The following DMXL1 variants were observed in gnomAD, a reference collection of about 807,000 sequenced individuals.
DMXL1 encodes dmX-like protein 1.
Under a neutral mutation model 319.2 loss-of-function variants are expected in DMXL1, and 99 were observed. That is an observed-to-expected ratio of 0.31 (90% CI 0.26 to 0.37). The LOEUF is 0.37. Ranked by LOEUF, DMXL1 falls within the 10% of genes least tolerant of loss-of-function variation. DMXL1 has a pLI of 1.00. For synonymous variants in DMXL1, 1,385 were observed against 1,235.2 expected (o/e 1.12, Z -2.54); for missense variants, 3,745 against 3,595.6 (o/e 1.04, Z -1.06).
intron 4 of DMXL1, among the ~76,000 whole-genome samples, chr5:119,109,492 A>G (rs1759098759): frequency 6.6e-6 from 1 of 152,224 alleles, no homozygotes. Context: ...AAACGCTGTG[A>G]ACTTGAAAAA....
intron 42 of DMXL1, among the ~76,000 whole-genome samples, chr5:119,241,115 T>A (rs925138926): frequency 6.6e-6 from 1 of 152,190 alleles, no homozygotes; most frequent in African/African-American, 2.4e-5. Flanking sequence ...TTAACACATA[T>A]TTTGTATATG....
At position 119,220,991 on chromosome 5, in the gene DMXL1, A is replaced by G. The variant is rs2150580816; in HGVS notation, c.8187A>G (p.Gln2729=). Residue 2729 remains glutamine, a synonymous_variant, in exon 37 of 44, where the codon CAA becomes CAG. Coordinates refer to ENST00000539542, the MANE Select transcript of DMXL1 (RefSeq NM_001290321.3). The stretch of plus-strand genomic sequence containing the variant: ...CTCGTGATGATTTAACAGCTGTTCA[A>G]GGTACAACTCCATATACACATAGCA... The part of the protein sequence containing the change: ...IHARDDLTAV[Q]GTTPYTHSNP... 6.2e-7 allele frequency: 1 copy of G among 1,613,890 alleles called. No homozygotes were observed. Among genetic ancestry groups the G allele is most frequent in the East Asian group, 2.2e-5 (1 of 44,844 alleles).
At position 119,110,161 on chromosome 5, in the gene DMXL1, T is replaced by C; in HGVS notation, c.375T>C (p.Leu125=). Residue 125 remains leucine (L), a synonymous_variant, in exon 5 of 44, where the codon CTT becomes CTC. Coordinates refer to ENST00000539542, the MANE Select transcript of DMXL1 (RefSeq NM_001290321.3). ...NITWDPTGSR[L]LTGSSYLQLW... ...TAATATTTTTTTTAGGCAGTCGTCT[T>C]TTAACTGGTTCCAGCTATTTGCAAC... The C allele has an allele frequency of 1.9e-6, 3 of 1,596,088 alleles. No individual in the cohort carries two copies. Among genetic ancestry groups the C allele is most frequent in the Non-Finnish European group, 2.6e-6 (3 of 1,174,420 alleles).
intron 29 of DMXL1, among the ~76,000 whole-genome samples, chr5:119,193,311 ACCAAACTCTTTC>A (rs1364340119): frequency 1.3e-5 from 2 of 152,034 alleles, no homozygotes; most frequent in South Asian, 2.1e-4. Flanking sequence ...CTATTTTCAA[ACCAAACTCTTTC>A]CCAAACTCTT....
intron 5 of DMXL1, among the ~76,000 whole-genome samples, chr5:119,111,629 G>T (rs745660600): frequency 1.3e-5 from 2 of 152,098 alleles, no homozygotes; most frequent in African/African-American, 4.8e-5. Flanking sequence ...AGTTCTAACC[G>T]TATCAATAAA....
intron 1 of DMXL1, among the ~76,000 whole-genome samples, chr5:119,078,254 A>G (rs891443135): frequency 5.9e-5 from 9 of 152,168 alleles, no homozygotes; most frequent in African/African-American, 2.2e-4. Context: ...AGCTGGGACT[A>G]CAAGCCTGTG....
At chr5:119,209,534 G>C (rs569685083) in intron 34 of DMXL1, among the ~76,000 whole-genome samples, 4 of 151,970 alleles carry the variant, frequency 2.6e-5, no homozygotes, top group Non-Finnish European at 4.4e-5. Flanking sequence ...TTTTTGTAGA[G>C]ATGGGGTTTC....
chr5:119,097,951 T>C, intron 1 of DMXL1, 28 bp from the exon 2 acceptor site: 2 of 1,557,682 alleles, frequency 1.3e-6, no homozygotes, highest in Non-Finnish European at 1.7e-6. Flanking sequence ...TTGACACTTT[T>C]ATCATTTTTA....
At chr5:119,203,785 G>T (rs1272629077) in intron 33 of DMXL1, among the ~76,000 whole-genome samples, 4 of 152,008 alleles carry the variant, frequency 2.6e-5, no homozygotes, top group African/African-American at 9.7e-5. Flanking sequence ...TAACTTAGAA[G>T]TTTAATTGTA....
rs762106839 is a variant in DMXL1 at position 119,196,442 on chromosome 5, G to T, written c.7529G>T (p.Gly2510Val). 1 of 1,612,188 alleles carries T rather than the reference G, an allele frequency of 6.2e-7. No homozygotes were observed. The highest frequency in any genetic ancestry group is 8.5e-7 in the Non-Finnish European group (1 of 1,179,064). The change falls in exon 31 of 44, where the codon GGT (glycine) becomes GTT (valine). Residue 2510 changes from glycine (G) to valine (V), a missense_variant. Physicochemically the swap from Gly to Val is moderately radical, Grantham distance 109 (BLOSUM62 -3). This residue lies in a region of DMXL1 where 1,382 missense variants were observed against 1,269.5 expected (regional missense o/e 1.09). Coordinates refer to ENST00000539542, the MANE Select transcript of DMXL1 (RefSeq NM_001290321.3). ...TTGAAGACTTTTTATCCCTTCGCAG[G>T]TCATGATCTTGCAGGTAATAAATAG... ...NNLKTFYPFA[G>V]HDLAELPVSS... is the part of the protein sequence containing the mutation.
At chr5:119,195,502 T>G (rs1779454929) in intron 30 of DMXL1, among the ~76,000 whole-genome samples, 1 of 152,228 alleles carries the variant, frequency 6.6e-6, no homozygotes, top group Non-Finnish European at 1.5e-5. Flanking sequence ...GTATGTGATT[T>G]CACTTACATG....
rs376295542 is a variant in DMXL1 at position 119,170,268 on chromosome 5, G to A, written c.5477G>A (p.Arg1826His). The change falls in exon 24 of 44, where the codon CGT (arginine) becomes CAT (histidine). Residue 1826 changes from arginine (R) to histidine (H), a missense_variant. Arg to His is a conservative substitution (Grantham distance 29). This residue lies in a region of DMXL1 where 1,382 missense variants were observed against 1,269.5 expected (regional missense o/e 1.09). Transcript: ENST00000539542. ...YLRTHPLLLRRHFGSSDTFST... is the reference protein window; with the variant it reads ...YLRTHPLLLRHHFGSSDTFST... ...AGAACACATCCTCTTTTGCTGAGAC[G>A]TCATTTTGGATCATCTGATACATTT... The A allele has an allele frequency of 2.7e-5, 43 of 1,613,550 alleles. 1 individual carries two copies. Among genetic ancestry groups the A allele is most frequent in the African/African-American group, 6.7e-5 (5 of 74,892 alleles).
intron 35 of DMXL1, 149 bp downstream of exon 35, chr5:119,217,136 G>A (rs1336779133): frequency 4.1e-6 from 2 of 486,706 alleles, no homozygotes. Context: ...TTTATAAAAT[G>A]ATATTATTTG....
intron 3 of DMXL1, among the ~76,000 whole-genome samples, chr5:119,103,116 T>C (rs1757630290): frequency 6.6e-6 from 1 of 150,384 alleles, no homozygotes; most frequent in Admixed American, 6.6e-5. Flanking sequence ...GAAAGAGCAG[T>C]GTATTGGGAG....
At chr5:119,165,055 A>G (rs1773130725) in intron 20 of DMXL1, 128 bp from the exon 21 acceptor site, 2 of 620,132 alleles carry the variant, frequency 3.2e-6, no homozygotes, top group African/African-American at 1.9e-5. Flanking sequence ...ACATGCACAT[A>G]TTATTCATAT....
At chr5:119,221,139 T>A in intron 37 of DMXL1, 58 bp downstream of exon 37, 1 of 1,292,326 alleles carries the variant, frequency 7.7e-7, no homozygotes, top group Non-Finnish European at 1.1e-6. Flanking sequence ...TCCCTCTAGG[T>A]TAATGGATAA....
intron 15 of DMXL1, among the ~76,000 whole-genome samples, chr5:119,145,140 C>T (rs780737545): frequency 6.6e-6 from 1 of 151,732 alleles, no homozygotes; most frequent in Non-Finnish European, 1.5e-5. Flanking sequence ...TCATCACTTG[C>T]GATTACAGAG....
chr5:119,238,223 T>C (rs1788112548), intron 40 of DMXL1, among the ~76,000 whole-genome samples: 3 of 152,116 alleles, frequency 2.0e-5, no homozygotes, highest in Admixed American at 2.0e-4. Context: ...GAGGATTTTG[T>C]CTGTTTTAAG....
intron 1 of DMXL1, among the ~76,000 whole-genome samples, chr5:119,079,196 A>G (rs1751646121): frequency 1.3e-5 from 2 of 152,182 alleles, no homozygotes; most frequent in Non-Finnish European, 2.9e-5. Context: ...CTCTTAACTC[A>G]TATAAACTTG....
Sources: allele counts gnomAD v4.1 joint callset (sites outside exome capture counted in the v4.1 genomes callset), GRCh38; gene constraint gnomAD v4.1.1; regional missense constraint gnomAD v4.1.1; transcripts MANE v1.5; gene names NCBI Gene and HGNC (gene_info 2026-07-23, HGNC 2026-07-21).